MKNK2: variants seen among roughly 807,000 people sequenced by gnomAD.
The protein encoded by MKNK2 is MAP kinase-interacting serine/threonine-protein kinase 2.
A neutral mutation model predicts 55.0 loss-of-function variants in MKNK2; 54 were observed. That is an observed-to-expected ratio of 0.98 (90% CI 0.79 to 1.23). The LOEUF is 1.23. Ranked by LOEUF, MKNK2 falls within the 50% of genes most tolerant of loss-of-function variation. The pLI, the probability that MKNK2 is intolerant of heterozygous loss-of-function variation, is 0.00. For missense variants in MKNK2, 685 were observed against 632.1 expected, an observed-to-expected ratio of 1.08 and a Z score of -0.90; for synonymous variants, 323 against 256.0, an observed-to-expected ratio of 1.26 and a Z score of -2.50.
At chr19:2,043,781 C>T (rs1365793782) in intron 5 of MKNK2, among the ~76,000 whole-genome samples, 199 bp from the exon 6 acceptor site, 1 of 152,082 alleles carries the variant, frequency 6.6e-6, no homozygotes, top group Non-Finnish European at 1.5e-5. Flanking sequence ...TGAGACCATC[C>T]TGGCCAACAT....
intron 2 of MKNK2, among the ~76,000 whole-genome samples, chr19:2,050,592 T>G (rs141207306): frequency 6.6e-6 from 1 of 152,032 alleles, no homozygotes; most frequent in African/African-American, 2.4e-5. Context: ...CCGGCGGCCA[T>G]GGCTGGAGAG....
rs147462407 is a variant in MKNK2, at chr19:2,038,261, A to T, written c.*1352T>A. 1.0e-6 allele frequency: 1 copy of T among 986,304 alleles called. No homozygotes were observed. Among genetic ancestry groups the T allele is most frequent in the African/African-American group, 1.8e-5 (1 of 56,860 alleles). 61.1% of individuals were successfully genotyped at this position (986,304 alleles called of 1,614,324 possible). A position where few individuals can be genotyped will look rare whatever the true frequency, so the allele number is the denominator to read the frequency against. On this transcript the variant is annotated 3_prime_UTR_variant, in exon 14 of 14. Coordinates refer to ENST00000250896, the MANE Select transcript of MKNK2 (RefSeq NM_199054.3). ...ATCGATGTGTTGTTTTTTTTTAAGG[A>T]AAAACTAAAAAACTAAACAGGAGGA...
Position 2,038,056 on chromosome 19 carries a change from G to A in MKNK2, c.*1557C>T, listed in dbSNP as rs1410684309. ...ACCCCCCCCAGGGGTCTTTGGAAGG[G>A]GCAGTCCACAGATATGGGCAGTGGG... On this transcript the variant is annotated 3_prime_UTR_variant, in exon 14 of 14. Transcript: ENST00000250896. 7.9e-6 allele frequency: 10 copies of A among 1,260,984 alleles called. No individual in the cohort carries two copies. The highest frequency in any genetic ancestry group is 1.0e-5 in the Non-Finnish European group (10 of 991,012). The allele number at this position is 1,260,984 out of a possible 1,614,324, so 78.1% of individuals were successfully genotyped here. A position where few individuals can be genotyped will look rare whatever the true frequency, so the allele number is the denominator to read the frequency against.
intron 10 of MKNK2, 21 bp from the exon 11 acceptor site, chr19:2,042,055 C>A (rs2145686299): frequency 1.4e-6 from 2 of 1,465,132 alleles, no homozygotes; most frequent in African/African-American, 1.5e-5. Flanking sequence ...GGGAGGGGCG[C>A]GTCAGCCGGG....
intron 13 of MKNK2, 134 bp downstream of exon 13, chr19:2,040,000 G>A (rs1032525994): frequency 8.7e-6 from 12 of 1,377,674 alleles, no homozygotes; most frequent in African/African-American, 5.7e-5. Context: ...GGGCCCCACC[G>A]GGAGCTTCAC....
At position 2,040,184 on chromosome 19, in the gene MKNK2, C is replaced by G; in HGVS notation, c.1111-7G>C. 2 of 1,573,186 alleles carry G rather than the reference C, an allele frequency of 1.3e-6. No individual in the cohort carries two copies. Among genetic ancestry groups the G allele is most frequent in the South Asian group, 1.2e-5 (1 of 85,792 alleles). ...AGGTGTTCTCCGGGGCGCACTGCAA[C>G]GAGAGTGGGCGGGGGCAGGGCTGGA... On this transcript the variant is annotated splice_polypyrimidine_tract_variant and splice_region_variant and intron_variant, in intron 12 of 13. Coordinates refer to ENST00000250896, the MANE Select transcript of MKNK2 (RefSeq NM_199054.3).
At position 2,043,211 on chromosome 19, in the gene MKNK2, G is replaced by A. The variant is rs1330254699; in HGVS notation, c.420-14C>T. The A allele has an allele frequency of 6.3e-7, 1 of 1,595,818 alleles. No individual in the cohort carries two copies. The stretch of plus-strand genomic sequence containing the variant: ...TCTAGGACGTTCCTGGGGTGGGGGT[G>A]GGGGCAGGAGAGGAGCTGAGGCTTC... On this transcript the variant is annotated splice_polypyrimidine_tract_variant and intron_variant, in intron 6 of 13. Coordinates refer to ENST00000250896, the MANE Select transcript of MKNK2 (RefSeq NM_199054.3).
Position 2,037,759 on chromosome 19 carries a change from T to C in MKNK2, c.*1854A>G, listed in dbSNP as rs757608154. 1.3e-6 allele frequency: 2 copies of C among 1,598,560 alleles called. No individual in the cohort carries two copies. Among genetic ancestry groups the C allele is most frequent in the South Asian group, 1.1e-5 (1 of 88,710 alleles). ...GATCTTCACTCATTCACAGTAACGG[T>C]TCTGACCAGTCCTCCAGGTCGCACG... On this transcript the variant is annotated 3_prime_UTR_variant, in exon 14 of 14. Transcript: ENST00000250896.
At chr19:2,041,804 G>A (rs765195597) in intron 11 of MKNK2, 36 bp downstream of exon 11, 18 of 1,466,966 alleles carry the variant, frequency 1.2e-5, no homozygotes, top group Middle Eastern at 2.4e-4. Flanking sequence ...GGGGGAGGAG[G>A]GTGCCCAGGA....
intron 10 of MKNK2, 31 bp downstream of exon 10, chr19:2,042,396 C>T (rs2016908485): frequency 1.9e-6 from 3 of 1,543,096 alleles, no homozygotes; most frequent in Admixed American, 2.0e-5. Flanking sequence ...AGCAGGCGGC[C>T]GAGCCCCCAG....
At chr19:2,046,901 C>G (rs1208046936) in intron 2 of MKNK2, among the ~76,000 whole-genome samples, 1 of 152,206 alleles carries the variant, frequency 6.6e-6, no homozygotes, top group Non-Finnish European at 1.5e-5. Context: ...CAGGGGACCC[C>G]CAAGCTCCTG....
rs75300603 is a variant in MKNK2 at position 2,037,648 on chromosome 19, G to C, written c.*1965C>G. 6.4e-6 allele frequency: 2 copies of C among 314,236 alleles called. No individual in the cohort carries two copies. Among genetic ancestry groups the C allele is most frequent in the Non-Finnish European group, 9.1e-6 (2 of 218,948 alleles). 19.5% of individuals were successfully genotyped at this position (314,236 alleles called of 1,614,324 possible). On this transcript the variant is annotated 3_prime_UTR_variant, in exon 14 of 14. Coordinates refer to ENST00000250896, the MANE Select transcript of MKNK2 (RefSeq NM_199054.3). ...CTTTTGAGGTTTTTTTTTTTTTTTT[G>C]TCTTTTAAAAACATCGTAACATTAA...
rs1428299602 is a variant in MKNK2 at position 2,046,425 on chromosome 19, C to T, written c.183G>A (p.Lys61=). 1.9e-6 allele frequency: 3 copies of T among 1,609,422 alleles called. No individual in the cohort carries two copies. Among genetic ancestry groups the T allele is most frequent in the Middle Eastern group, 1.6e-4 (1 of 6,084 alleles). ...SQPIDIPDAK[K]RGKKKKRGRA... is the part of the protein sequence containing the mutation. ...GGCCGCGCTTCTTCTTCTTGCCCCT[C>T]TTCTTGGCGTCCGGGATGTCAATGG... is the stretch of plus-strand genomic sequence containing the variant. The change falls in exon 4 of 14, where the codon AAG becomes AAA. Residue 61 remains lysine (K), a synonymous_variant. Transcript: ENST00000250896.
intron 1 of MKNK2, 41 bp from the exon 2 acceptor site, chr19:2,050,988 C>T (rs1479474542): frequency 2.0e-6 from 1 of 490,454 alleles, no homozygotes; most frequent in South Asian, 4.3e-5. Context: ...GTGAGCGGAG[C>T]CCGGCCTGCC....
intron 2 of MKNK2, 105 bp downstream of exon 2, chr19:2,050,696 G>T: frequency 8.9e-7 from 1 of 1,120,944 alleles, no homozygotes; most frequent in Non-Finnish European, 1.3e-6. Flanking sequence ...GCGGGGGCCA[G>T]GCACGAGCCC....
chr19:2,038,008 G>T lies in MKNK2; in HGVS notation c.*1605C>A, dbSNP rs28699386. On this transcript the variant is annotated 3_prime_UTR_variant, in exon 14 of 14. Transcript: ENST00000250896. ...CACTGACAGGCGAGAAGTGATGGGG[G>T]AAAGGGGTGGGCGGAATGCCCCACC... The T allele has an allele frequency of 3.7e-6, 5 of 1,350,616 alleles. No individual in the cohort carries two copies. The East Asian group carries it at 1.3e-4, about 36-fold the overall frequency. 83.7% of individuals were successfully genotyped at this position (1,350,616 alleles called of 1,614,324 possible).
Position 2,050,847 on chromosome 19 carries a change from A to C in MKNK2, c.5T>G (p.Val2Gly). M[V>G]QKKPAELQGF... ...CTGAAGTTCGGCTGGTTTCTTCTGCACCATCTTCTGTCCGGGCCCCGCCAG... is the reference window on the plus strand; with the variant it reads ...CTGAAGTTCGGCTGGTTTCTTCTGCCCCATCTTCTGTCCGGGCCCCGCCAG... Residue 2 changes from valine to glycine, a missense_variant, in exon 2 of 14, where the codon GTG becomes GGG. Physicochemically the swap from Val to Gly is moderately radical, Grantham distance 109. Transcript: ENST00000250896. The C allele has an allele frequency of 1.3e-6, 2 of 1,531,640 alleles. No individual in the cohort carries two copies. Among genetic ancestry groups the C allele is most frequent in the Non-Finnish European group, 1.8e-6 (2 of 1,139,450 alleles). 94.9% of individuals were successfully genotyped at this position (1,531,640 alleles called of 1,614,324 possible).
At position 2,042,579 on chromosome 19, in the gene MKNK2, C is replaced by T. The variant is rs764467133; in HGVS notation, c.654+28G>A. 7 of 1,570,496 alleles carry T rather than the reference C, an allele frequency of 4.5e-6. No individual in the cohort carries two copies. In the East Asian group the frequency reaches 6.9e-5, roughly 16 times the overall value. Reference sequence around the variant, plus strand: ...GGTCCCACGCGGTCCACCCCTCCCGCGGGGCCACCCTGCCGGAACTGGCCT... The same window carrying T: ...GGTCCCACGCGGTCCACCCCTCCCGTGGGGCCACCCTGCCGGAACTGGCCT... On this transcript the variant is annotated intron_variant, in intron 9 of 13. Coordinates refer to ENST00000250896, the MANE Select transcript of MKNK2 (RefSeq NM_199054.3).
chr19:2,048,151 G>A (rs971573486), intron 2 of MKNK2, among the ~76,000 whole-genome samples: 3 of 152,176 alleles, frequency 2.0e-5, no homozygotes, highest in Admixed American at 2.0e-4. Context: ...GGTGGGCCCT[G>A]ATACCCGGCT....
Sources: gnomAD v4.1 joint callset for allele counts (sites outside exome capture counted in the v4.1 genomes callset) on GRCh38, gnomAD v4.1.1 for gene constraint, MANE v1.5 for transcripts, NCBI Gene and HGNC (gene_info 2026-07-23, HGNC 2026-07-21) for gene names.